The following TAB3 variants were observed in gnomAD, a reference collection of about 807,000 sequenced individuals.
TAB3 encodes the protein TGF-beta-activated kinase 1 and MAP3K7-binding protein 3.
A neutral mutation model predicts 48.1 loss-of-function variants in TAB3; 18 were observed. That is an observed-to-expected ratio of 0.37 (90% CI 0.26 to 0.55). The LOEUF (loss-of-function observed/expected upper bound fraction) is 0.55. Ranked by LOEUF, TAB3 falls within the 20% of genes least tolerant of loss-of-function variation. The pLI, the probability that TAB3 is intolerant of heterozygous loss-of-function variation, is 0.78. For synonymous variants in TAB3, 185 were observed against 190.2 expected (o/e 0.97, Z 0.22); for missense variants, 414 against 549.8 (o/e 0.75, Z 2.47).
rs547093788 is a variant in TAB3, at chrX:30,840,847, C to T, written c.1888+2119G>A. On this transcript the variant is annotated intron_variant, in intron 9 of 10. Transcript: ENST00000288422. ...ATTTCTAATCAACTTGGTCCTGTTT[C>T]CAGGGTAAAAACTTTCCAATGCACT... 5.4e-5 allele frequency among the ~76,000 whole-genome samples: 6 copies of T among 111,709 alleles called. No individual in the cohort carries two copies. The South Asian group carries it at 2.3e-3, about 42-fold the overall frequency.
At chrX:30,846,404 C>T in intron 8 of TAB3, 147 bp downstream of exon 8, 1 of 419,217 alleles carries the variant, frequency 2.4e-6, no homozygotes, top group Middle Eastern at 5.1e-4. Flanking sequence ...TGATCCATGA[C>T]CATGGGACAG....
At chrX:30,831,753 A>G (rs1938038663) in intron 10 of TAB3, among the ~76,000 whole-genome samples, 178 bp from the exon 11 acceptor site, 1 of 112,370 alleles carries the variant, frequency 8.9e-6, no homozygotes, top group African/African-American at 3.2e-5. Context: ...CAGAAAGTTG[A>G]TCTTTTACTT....
chrX:30,848,104 AAGTCAAG>A (rs1195423006), intron 7 of TAB3, among the ~76,000 whole-genome samples: 1 of 112,345 alleles, frequency 8.9e-6, no homozygotes, highest in African/African-American at 3.2e-5. Flanking sequence ...CCTGTCGGGA[AAGTCAAG>A]CACCTGAAAA....
In TAB3 at chrX:30,854,416, G is replaced by T. The variant is rs746599206; in HGVS notation, c.1249C>A (p.Gln417Lys). Residue 417 changes from glutamine to lysine, a missense_variant, in exon 6 of 11, where the codon CAA (glutamine) becomes AAA (lysine). Physicochemically the swap from Gln to Lys is moderately conservative, Grantham distance 53 (BLOSUM62 1). Coordinates refer to ENST00000288422, the MANE Select transcript of TAB3 (RefSeq NM_152787.5). ...TTAACACTAAATGGAGGTTTTGGTT[G>T]ACTAGATATCCCTCTTGAAGGAGAA... ...SSSPSRGISSQPKPPFSVNPV... is the reference protein window; with the variant it reads ...SSSPSRGISSKPKPPFSVNPV... The T allele has an allele frequency of 8.3e-7, 1 of 1,211,519 alleles. No homozygotes were observed. The highest frequency in any genetic ancestry group is 1.1e-6 in the Non-Finnish European group (1 of 895,282).
At chrX:30,874,460 T>C (rs1452722205) in intron 1 of TAB3, among the ~76,000 whole-genome samples, 1 of 112,216 alleles carries the variant, frequency 8.9e-6, no homozygotes, top group Non-Finnish European at 1.9e-5. Context: ...CGTATGTAAC[T>C]GTAGCATCAG....
intron 7 of TAB3, among the ~76,000 whole-genome samples, chrX:30,847,947 CTA>C (rs951728770): frequency 1.8e-5 from 2 of 112,261 alleles, no homozygotes; most frequent in African/African-American, 6.5e-5. Flanking sequence ...TGGGCTAAAA[CTA>C]TGTGACATTA....
chrX:30,848,879 G>A (rs1425290471), intron 7 of TAB3, among the ~76,000 whole-genome samples: 1 of 109,065 alleles, frequency 9.2e-6, no homozygotes, highest in East Asian at 2.9e-4. Context: ...TATGCCTCTG[G>A]GACTCAAAGC....
In TAB3 at chrX:30,841,872, G is replaced by A. The variant is rs182244235; in HGVS notation, c.1888+1094C>T. Among the ~76,000 whole-genome samples the A allele has an allele frequency of 8.6e-3, 960 of 112,107 alleles. 8 individuals carry two copies. Among genetic ancestry groups the A allele is most frequent in the Middle Eastern group, 0.028 (6 of 217 alleles). On this transcript the variant is annotated intron_variant, in intron 9 of 10. Transcript: ENST00000288422. ...CGCCTAGGCTGGAGTACAGTGGCGC[G>A]ATCTCGGCTCACTGCAACCTCCACC...
chrX:30,873,393 C>T (rs890743222), intron 1 of TAB3, among the ~76,000 whole-genome samples: 3 of 108,781 alleles, frequency 2.8e-5, no homozygotes, highest in South Asian at 4.1e-4. Flanking sequence ...GGCGCAGTGG[C>T]GGGCGCCTGT....
intron 10 of TAB3, among the ~76,000 whole-genome samples, chrX:30,833,830 C>CAAA (rs11316848): frequency 1.7e-4 from 9 of 51,595 alleles, no homozygotes; most frequent in Non-Finnish European, 2.1e-4. Flanking sequence ...GACTCCGTCT[C>CAAA]AAAAAAAAAA....
At chrX:30,863,178 T>C (rs887432903) in intron 4 of TAB3, among the ~76,000 whole-genome samples, 1 of 112,225 alleles carries the variant, frequency 8.9e-6, no homozygotes, top group African/African-American at 3.2e-5. Flanking sequence ...GTAATCTTAA[T>C]AGTGGTTAGC....
rs1278879364 is a variant in TAB3 at position 30,830,741 on chromosome X, A to AC, written c.*685dup. The AC allele has an allele frequency of 8.9e-6, 1 of 112,229 alleles. No homozygotes were observed. The highest frequency in any genetic ancestry group is 3.2e-5 in the African/African-American group (1 of 30,832). 9.2% of individuals were successfully genotyped at this position (112,229 alleles called of 1,213,427 possible). A position where few individuals can be genotyped will look rare whatever the true frequency, so the allele number is the denominator to read the frequency against. On this transcript the variant is annotated 3_prime_UTR_variant, in exon 11 of 11. Coordinates refer to ENST00000288422, the MANE Select transcript of TAB3 (RefSeq NM_152787.5). ...GATAGAGCTCGATGAATCACACTGTACAAGCCAAAGGCATCTTACCACCTC... is the reference window on the plus strand; with the variant it reads ...GATAGAGCTCGATGAATCACACTGTACCAAGCCAAAGGCATCTTACCACCTC...
chrX:30,863,813 T>G (rs1168649063), intron 4 of TAB3, among the ~76,000 whole-genome samples: 1 of 112,117 alleles, frequency 8.9e-6, no homozygotes, highest in African/African-American at 3.2e-5. Flanking sequence ...ATAGTCAGTT[T>G]CCTTTAAAAA....
Position 30,831,356 on chromosome X carries a change from G to C in TAB3, c.*71C>G. On this transcript the variant is annotated 3_prime_UTR_variant, in exon 11 of 11. Transcript: ENST00000288422. ...TGAAAAGGCTGGGTGGATGAATAGA[G>C]TCCCGAGGTTTCCTTTTCTTCTGGT... 1.8e-6 allele frequency: 2 copies of C among 1,108,217 alleles called. No individual in the cohort carries two copies. Among genetic ancestry groups the C allele is most frequent in the African/African-American group, 1.8e-5 (1 of 55,187 alleles). 91.3% of individuals were successfully genotyped at this position (1,108,217 alleles called of 1,213,427 possible). A position where few individuals can be genotyped will look rare whatever the true frequency, so the allele number is the denominator to read the frequency against.
chrX:30,871,334 A>C lies in TAB3; in HGVS notation c.-280+365T>G, dbSNP rs752586520. 2.7e-5 allele frequency among the ~76,000 whole-genome samples: 3 copies of C among 112,593 alleles called. No homozygotes were observed. The East Asian group carries it at 8.3e-4, about 31-fold the overall frequency. ...ACACATCTAGTTATTTCTTGGGGGC[A>C]GATCTTTCAATCTCCACCAGCTCCA... is the stretch of plus-strand genomic sequence containing the variant. On this transcript the variant is annotated intron_variant, in intron 2 of 10. Coordinates refer to ENST00000288422, the MANE Select transcript of TAB3 (RefSeq NM_152787.5).
At chrX:30,839,052 G>A (rs887847345) in intron 9 of TAB3, among the ~76,000 whole-genome samples, 6 of 110,824 alleles carry the variant, frequency 5.4e-5, no homozygotes, top group African/African-American at 2.0e-4. Context: ...TAAAGGTGGT[G>A]AGAATAGACA....
intron 1 of TAB3, among the ~76,000 whole-genome samples, chrX:30,872,656 G>C (rs186488930): frequency 1.8e-3 from 208 of 112,468 alleles, no homozygotes; most frequent in Non-Finnish European, 2.7e-3. Context: ...GCTAATAATA[G>C]CAGAAGTGAC....
At chrX:30,851,017 G>A (rs1938826345) in intron 7 of TAB3, among the ~76,000 whole-genome samples, 1 of 111,711 alleles carries the variant, frequency 9.0e-6, no homozygotes, top group Non-Finnish European at 1.9e-5. Context: ...TCCCATATGG[G>A]TTATGTCCTT....
intron 1 of TAB3, among the ~76,000 whole-genome samples, chrX:30,872,957 GAAGT>G (rs1939703839): frequency 1.8e-5 from 2 of 111,714 alleles, no homozygotes; most frequent in Non-Finnish European, 3.8e-5. Context: ...CGGTCCATAT[GAAGT>G]AAGAGGATAA....
Sources: allele counts gnomAD v4.1 joint callset (sites outside exome capture counted in the v4.1 genomes callset), GRCh38; gene constraint gnomAD v4.1.1; transcripts MANE v1.5; gene names NCBI Gene and HGNC (gene_info 2026-07-23, HGNC 2026-07-21).